The following FAM228A variants were observed in gnomAD, a reference collection of about 807,000 sequenced individuals.
FAM228A encodes family with sequence similarity 228 member A.
In FAM228A, 13 loss-of-function variants were observed where a neutral mutation model predicts 18.6. The observed-to-expected ratio is 0.70, with a 90% CI of 0.45 to 1.11. The LOEUF is 1.11. FAM228A is among the 50% of genes least tolerant of loss of function. FAM228A has a pLI of 0.00. For missense variants in FAM228A, 240 were observed against 242.2 expected (o/e 0.99, Z 0.06); for synonymous variants, 77 against 86.6 (o/e 0.89, Z 0.61).
chr2:24,181,161 A>G (rs567218773), intron 3 of FAM228A, among the ~76,000 whole-genome samples: 1 of 152,346 alleles, frequency 6.6e-6, no homozygotes, highest in East Asian at 1.9e-4. Flanking sequence ...TTCTCCCAGA[A>G]GGTGGTGGAG....
At chr2:24,179,506 C>T (rs934116772) in intron 3 of FAM228A, among the ~76,000 whole-genome samples, 1 of 152,080 alleles carries the variant, frequency 6.6e-6, no homozygotes, top group Non-Finnish European at 1.5e-5. Context: ...TTTATGTAGA[C>T]GTTAATGGAG....
At chr2:24,178,534 A>C (rs1006118662) in intron 3 of FAM228A, among the ~76,000 whole-genome samples, 11 of 152,206 alleles carry the variant, frequency 7.2e-5, no homozygotes, top group Non-Finnish European at 1.6e-4. Context: ...TGATCATGCC[A>C]CTATACTCCA....
intron 5 of FAM228A, among the ~76,000 whole-genome samples, chr2:24,184,040 C>T (rs973312290): frequency 1.3e-5 from 2 of 152,140 alleles, no homozygotes; most frequent in African/African-American, 4.8e-5. Context: ...AACCTGAAAG[C>T]ATTTATTCTT....
At chr2:24,178,446 C>T (rs4665256) in intron 3 of FAM228A, among the ~76,000 whole-genome samples, 91,626 of 151,720 alleles carry the variant, frequency 0.6, 28,419 homozygotes, top group East Asian at 0.74. Context: ...TGGTGGCACA[C>T]GCCTGTAGTC....
At chr2:24,188,539 G>C (rs1393478181) in intron 5 of FAM228A, 2 of 985,218 alleles carry the variant, frequency 2.0e-6, no homozygotes, top group Non-Finnish European at 2.4e-6. Flanking sequence ...GTGATGTTGA[G>C]AACAAGGTTA....
At position 24,175,503 on chromosome 2, in the gene FAM228A, G is replaced by C. The variant is rs752422837; in HGVS notation, c.23G>C (p.Ser8Thr). 3.1e-6 allele frequency: 5 copies of C among 1,614,088 alleles called. No individual in the cohort carries two copies. Among genetic ancestry groups the C allele is most frequent in the Non-Finnish European group, 4.2e-6 (5 of 1,180,024 alleles). MAATKTA[S>T]YDEHFRPEKL... ...TCCATGGCTGCCACCAAAACTGCGA[G>C]TTATGATGAACATTTCAGGCCAGAA... The change falls in exon 2 of 6, where the codon AGT becomes ACT. Residue 8 changes from serine (S) to threonine (T), a missense_variant. Transcript: ENST00000295150.
Position 24,191,021 on chromosome 2 carries a change from T to A in FAM228A, c.*390T>A. On this transcript the variant is annotated 3_prime_UTR_variant, in exon 6 of 6. Transcript: ENST00000295150. ...AGTCCACACACAACTGGTGGGAAGTTTTTGAAATGAAATTTATACCAAAAA... is the reference window on the plus strand; with the variant it reads ...AGTCCACACACAACTGGTGGGAAGTATTTGAAATGAAATTTATACCAAAAA... 1.0e-6 allele frequency: 1 copy of A among 1,004,012 alleles called. No individual in the cohort carries two copies. The allele number at this position is 1,004,012 out of a possible 1,614,324, so 62.2% of individuals were successfully genotyped here.
chr2:24,185,852 A>G (rs1469711412), intron 5 of FAM228A, among the ~76,000 whole-genome samples: 1 of 152,094 alleles, frequency 6.6e-6, no homozygotes, highest in Non-Finnish European at 1.5e-5. Flanking sequence ...GTTTAGATTT[A>G]TTCTTACTTA....
At chr2:24,175,867 C>T in intron 2 of FAM228A, 4 of 1,128,326 alleles carry the variant, frequency 3.5e-6, no homozygotes, top group Non-Finnish European at 4.4e-6. Context: ...ATTCTGCATA[C>T]TTCAGCGTCT....
At chr2:24,177,531 T>C (rs1487813240) in intron 2 of FAM228A, among the ~76,000 whole-genome samples, 1 of 96,414 alleles carries the variant, frequency 1.0e-5, no homozygotes, top group African/African-American at 3.1e-5. Flanking sequence ...TTTAATAATA[T>C]GCTATCAGGG....
intron 5 of FAM228A, among the ~76,000 whole-genome samples, chr2:24,184,669 G>GTTATTTAT (rs1200354203): frequency 6.6e-6 from 1 of 151,968 alleles, no homozygotes; most frequent in Non-Finnish European, 1.5e-5. Context: ...ATCCACATTT[G>GTTATTTAT]TTATTTATTT....
chr2:24,183,205 C>T (rs1222434380), intron 3 of FAM228A, 80 bp from the exon 4 acceptor site: 24 of 1,051,966 alleles, frequency 2.3e-5, no homozygotes, highest in South Asian at 6.4e-5. Context: ...GTCTATTGTT[C>T]CCATCTTTAT....
intron 2 of FAM228A, chr2:24,176,259 C>T (rs1667689294): frequency 1.1e-6 from 1 of 917,522 alleles, no homozygotes; most frequent in Non-Finnish European, 1.3e-6. Context: ...TCTGCTTCTC[C>T]AAATAAATAA....
rs1029956079 is a variant in FAM228A at position 24,188,782 on chromosome 2, T to C, written c.402-1630T>C. 3 of 514,300 alleles carry C rather than the reference T, an allele frequency of 5.8e-6. No homozygotes were observed. In the African/African-American group the frequency reaches 6.3e-5, roughly 11 times the overall value. The allele number at this position is 514,300 out of a possible 1,614,324, so 31.9% of individuals were successfully genotyped here. A position where few individuals can be genotyped will look rare whatever the true frequency, so the allele number is the denominator to read the frequency against. On this transcript the variant is annotated intron_variant, in intron 5 of 5. Transcript: ENST00000295150. Reference sequence around the variant, plus strand: ...GTGATTTTAAAATTCTTAATTTTGGTAGTAAATTTTCTGCTTTTTCTTCTC... The same window carrying C: ...GTGATTTTAAAATTCTTAATTTTGGCAGTAAATTTTCTGCTTTTTCTTCTC...
chr2:24,181,864 A>G (rs11691212), intron 3 of FAM228A, among the ~76,000 whole-genome samples: 90,775 of 152,010 alleles, frequency 0.6, 28,030 homozygotes, highest in East Asian at 0.74. Flanking sequence ...GAGTTTTAGA[A>G]TAGGAACTCA....
At chr2:24,175,876 C>A in intron 2 of FAM228A, 1 of 1,106,354 alleles carries the variant, frequency 9.0e-7, no homozygotes, top group Non-Finnish European at 1.1e-6. Context: ...ACTTCAGCGT[C>A]TGGTAATGAT....
chr2:24,181,892 G>A (rs749786040), intron 3 of FAM228A, among the ~76,000 whole-genome samples: 3 of 152,172 alleles, frequency 2.0e-5, no homozygotes, highest in Non-Finnish European at 4.4e-5. Context: ...TTAGACTCCT[G>A]TGGAATTTAC....
At chr2:24,175,778 C>G (rs759921877) in intron 2 of FAM228A, 12 of 818,776 alleles carry the variant, frequency 1.5e-5, no homozygotes, top group Non-Finnish European at 2.1e-5. Flanking sequence ...GCTGGCGCAC[C>G]GACGGGGGCG....
intron 3 of FAM228A, among the ~76,000 whole-genome samples, chr2:24,180,649 T>C (rs1036968725): frequency 6.6e-6 from 1 of 152,242 alleles, no homozygotes; most frequent in African/African-American, 2.4e-5. Flanking sequence ...AAATGGCATG[T>C]GTTGAAGTCC....
Sources: gnomAD v4.1 joint callset for allele counts (sites outside exome capture counted in the v4.1 genomes callset) on GRCh38, gnomAD v4.1.1 for gene constraint, MANE v1.5 for transcripts, NCBI Gene and HGNC (gene_info 2026-07-23, HGNC 2026-07-21) for gene names.